The following KIF20B variants were observed in gnomAD, a reference collection of about 807,000 sequenced individuals.
KIF20B encodes the protein kinesin family member 20B, also known as kinesin-like protein KIF20B.
Under a neutral mutation model 232.5 loss-of-function variants are expected in KIF20B, and 188 were observed. That is an observed-to-expected ratio of 0.81 (90% confidence interval 0.72 to 0.91). KIF20B has a LOEUF of 0.91. Ranked by LOEUF, KIF20B falls within the 40% of genes least tolerant of loss-of-function variation. The pLI, the probability that KIF20B is intolerant of heterozygous loss-of-function variation, is 0.00. For missense variants in KIF20B, 2,154 were observed against 2,055.9 expected (o/e 1.05, Z -0.92); for synonymous variants, 712 against 683.0 (o/e 1.04, Z -0.66).
chr10:89,738,496 AAT>A lies in KIF20B; in HGVS notation c.3656_3657del (p.Asn1219SerfsTer16). The A allele has an allele frequency of 6.2e-7, 1 of 1,606,726 alleles. No homozygotes were observed. The highest frequency in any genetic ancestry group is 8.5e-7 in the Non-Finnish European group (1 of 1,177,072). ...QDSVKNTKDL[N>X]VKELKLKEEI... The stretch of plus-strand genomic sequence containing the variant: ...TTCTGTCAAAAACACCAAAGATTTA[AAT>A]GTAAAGGAACTCAAGCTGAAAGAAG... On this transcript the variant is annotated frameshift_variant, in exon 20 of 33. Coordinates refer to ENST00000371728, the MANE Select transcript of KIF20B (RefSeq NM_001284259.2). LOFTEE classifies it high-confidence loss of function.
intron 24 of KIF20B, among the ~76,000 whole-genome samples, 191 bp downstream of exon 24, chr10:89,751,662 C>T (rs1035214370): frequency 7.7e-6 from 1 of 129,262 alleles, no homozygotes; most frequent in Non-Finnish European, 1.6e-5. Flanking sequence ...AAATTATATG[C>T]AGTAAAGGAG....
At chr10:89,725,205 C>T (rs1245696472) in intron 15 of KIF20B, 47 bp downstream of exon 15, 12 of 1,561,384 alleles carry the variant, frequency 7.7e-6, no homozygotes, top group African/African-American at 1.4e-5. Flanking sequence ...GTTTTGGTAC[C>T]AGGGTTTAGT....
chr10:89,740,363 A>C (rs1841771329), intron 21 of KIF20B, among the ~76,000 whole-genome samples: 1 of 151,926 alleles, frequency 6.6e-6, no homozygotes, highest in Non-Finnish European at 1.5e-5. Context: ...ATTAAGGGGG[A>C]CAGAGGGTGG....
chr10:89,708,934 C>T (rs1842781550), intron 2 of KIF20B, among the ~76,000 whole-genome samples: 1 of 152,134 alleles, frequency 6.6e-6, no homozygotes, highest in Non-Finnish European at 1.5e-5. Flanking sequence ...TTTTTATAAA[C>T]TTCACGTATA....
rs1842403961 is a variant in KIF20B at position 89,768,326 on chromosome 10, C to T, written c.5026C>T (p.Pro1676Ser). The T allele has an allele frequency of 1.9e-6, 3 of 1,589,736 alleles. No homozygotes were observed. The highest frequency in any genetic ancestry group is 3.5e-5 in the Admixed American group (2 of 56,918). ...ATGTGAAAATAAGAAGAATGCTACA[C>T]CCAGAACTAATTTGAAATTTCCTAT... ...VKCENKKNAT[P>S]RTNLKFPISD... Residue 1676 changes from proline (P) to serine (S), a missense_variant, in exon 30 of 33, where the codon CCC becomes TCC. Physicochemically the swap from Pro to Ser is moderately conservative, Grantham distance 74. Coordinates refer to ENST00000371728, the MANE Select transcript of KIF20B (RefSeq NM_001284259.2).
At position 89,717,682 on chromosome 10, in the gene KIF20B, G is replaced by A; in HGVS notation, c.1231G>A (p.Gly411Arg). The A allele has an allele frequency of 6.2e-7, 1 of 1,608,558 alleles. No homozygotes were observed. The highest frequency in any genetic ancestry group is 8.5e-7 in the Non-Finnish European group (1 of 1,176,522). The change falls in exon 11 of 33, where the codon GGA becomes AGA. Residue 411 changes from glycine to arginine, a missense_variant. By Grantham distance (125) the Gly-to-Arg change is moderately radical (BLOSUM62 -2). Transcript: ENST00000371728. The stretch of plus-strand genomic sequence containing the variant: ...TATCAACACTTCTTTATTGACTCTG[G>A]GAAAGTGTATTAACGTCTTGAAGAA... The part of the protein sequence containing the change: ...GNINTSLLTL[G>R]KCINVLKNSE...
intron 29 of KIF20B, among the ~76,000 whole-genome samples, chr10:89,765,620 A>G (rs1168974245): frequency 6.6e-6 from 1 of 152,126 alleles, no homozygotes; most frequent in African/African-American, 2.4e-5. Context: ...GCATCACGCT[A>G]CCTGACTTAA....
Position 89,754,588 on chromosome 10 carries a change from C to G in KIF20B, c.4418C>G (p.Ala1473Gly). 1 of 1,602,298 alleles carries G rather than the reference C, an allele frequency of 6.2e-7. No individual in the cohort carries two copies. The highest frequency in any genetic ancestry group is 8.5e-7 in the Non-Finnish European group (1 of 1,174,026). Residue 1473 changes from alanine to glycine, a missense_variant, in exon 26 of 33, where the codon GCG becomes GGG. Physicochemically the swap from Ala to Gly is moderately conservative, Grantham distance 60 (BLOSUM62 0). Coordinates refer to ENST00000371728, the MANE Select transcript of KIF20B (RefSeq NM_001284259.2). ...LEEKMMLITQ[A>G]KEAENIRNKE... Reference sequence around the variant, plus strand: ...GAAAAAATGATGCTTATCACTCAAGCGAAAGAAGCAGAGAATATACGAAAT... The same window carrying G: ...GAAAAAATGATGCTTATCACTCAAGGGAAAGAAGCAGAGAATATACGAAAT...
chr10:89,714,178 T>A (rs972931748), intron 7 of KIF20B, 95 bp downstream of exon 7: 1 of 706,076 alleles, frequency 1.4e-6, no homozygotes, highest in South Asian at 3.2e-5. Context: ...ATGTTTTATT[T>A]TTATTATTAA....
chr10:89,768,096 T>C (rs1470308361), intron 29 of KIF20B, among the ~76,000 whole-genome samples, 194 bp from the exon 30 acceptor site: 1 of 152,018 alleles, frequency 6.6e-6, no homozygotes, highest in Admixed American at 6.6e-5. Flanking sequence ...TGGCCAATAA[T>C]ATCCCCTTCT....
chr10:89,709,553 A>G lies in KIF20B; in HGVS notation c.351+92A>G. ...TATAATTGTATATAATGAACTATAC[A>G]TTTTATGCTTATGCAACTTAGATTT... On this transcript the variant is annotated intron_variant, in intron 4 of 32. Transcript: ENST00000371728. 3 of 783,938 alleles carry G rather than the reference A, an allele frequency of 3.8e-6. No homozygotes were observed. The South Asian group carries it at 5.6e-5, about 15-fold the overall frequency. The allele number at this position is 783,938 out of a possible 1,614,324, so 48.6% of individuals were successfully genotyped here.
At position 89,738,442 on chromosome 10, in the gene KIF20B, T is replaced by C. The variant is rs1333224838; in HGVS notation, c.3601T>C (p.Leu1201=). Residue 1201 remains leucine, a synonymous_variant, in exon 20 of 33, where the codon TTG becomes CTG. Coordinates refer to ENST00000371728, the MANE Select transcript of KIF20B (RefSeq NM_001284259.2). ...ESIILKLERN[L]KEFQEHLQDS... ...TATCATCTTAAAGCTAGAAAGAAAT[T>C]TGAAGGAATTTCAAGAACATCTTCA... 6.2e-7 allele frequency: 1 copy of C among 1,603,318 alleles called. No individual in the cohort carries two copies. The highest frequency in any genetic ancestry group is 1.1e-5 in the South Asian group (1 of 87,484).
intron 27 of KIF20B, among the ~76,000 whole-genome samples, chr10:89,759,159 G>T (rs767789095): frequency 1.3e-5 from 2 of 151,950 alleles, no homozygotes; most frequent in African/African-American, 2.4e-5. Flanking sequence ...AGAGTAATTA[G>T]AAAATCAACA....
chr10:89,712,881 T>G (rs1842862056), intron 6 of KIF20B, among the ~76,000 whole-genome samples: 1 of 152,162 alleles, frequency 6.6e-6, no homozygotes. Context: ...TAATGCAAAT[T>G]TTTCTTTTTT....
At chr10:89,705,165 CAATGT>C in intron 1 of KIF20B, 124 bp from the exon 2 acceptor site, 1 of 711,256 alleles carries the variant, frequency 1.4e-6, no homozygotes, top group Non-Finnish European at 2.4e-6. Context: ...ATAAATGAAG[CAATGT>C]AATGCGTTTC....
chr10:89,764,358 T>C (rs896912504), intron 29 of KIF20B, among the ~76,000 whole-genome samples: 41 of 152,220 alleles, frequency 2.7e-4, no homozygotes, highest in African/African-American at 8.7e-4. Context: ...AATAAACATA[T>C]GTGTGCATGT....
At chr10:89,722,188 G>A (rs1843073765) in intron 13 of KIF20B, among the ~76,000 whole-genome samples, 1 of 152,202 alleles carries the variant, frequency 6.6e-6, no homozygotes, top group Admixed American at 6.5e-5. Flanking sequence ...GATTACAGAT[G>A]TGAGTCAATG....
chr10:89,764,157 T>G (rs575678169), intron 29 of KIF20B, among the ~76,000 whole-genome samples: 2,520 of 151,170 alleles, frequency 0.017, 83 homozygotes, highest in African/African-American at 0.058. Context: ...TTTGGTTTTT[T>G]GTCCTTGTGA....
At chr10:89,711,405 T>C (rs1842835128) in intron 6 of KIF20B, among the ~76,000 whole-genome samples, 1 of 152,182 alleles carries the variant, frequency 6.6e-6, no homozygotes, top group Non-Finnish European at 1.5e-5. Context: ...CATTGTGCTT[T>C]TTATGTAATG....
Sources: allele counts gnomAD v4.1 joint callset (sites outside exome capture counted in the v4.1 genomes callset), GRCh38; gene constraint gnomAD v4.1.1; transcripts MANE v1.5; gene names NCBI Gene and HGNC (gene_info 2026-07-23, HGNC 2026-07-21).